ALMS1: variants seen among roughly 807,000 people sequenced by gnomAD.
ALMS1 encodes centrosome-associated protein ALMS1.
ALMS1 carries 271 observed loss-of-function variants against 352.2 expected under a neutral mutation model. The observed-to-expected ratio is 0.77, with a 90% CI of 0.70 to 0.85. The LOEUF is 0.85. Among genes scored for constraint, ALMS1 ranks in the 40% least tolerant of loss-of-function variants. The pLI is 0.00. For synonymous variants in ALMS1, 1,865 were observed against 1,761.2 expected (o/e 1.06, Z -1.48); for missense variants, 5,445 against 4,870.7 (o/e 1.12, Z -3.51).
chr2:73,451,190 G>C lies in ALMS1; in HGVS notation c.4663G>C (p.Gly1555Arg), dbSNP rs200273754. Residue 1555 changes from glycine (G) to arginine (R), a missense_variant, in exon 8 of 23, where the codon GGA (glycine) becomes CGA (arginine). Physicochemically the swap from Gly to Arg is moderately radical, Grantham distance 125. Coordinates refer to ENST00000613296, the MANE Select transcript of ALMS1 (RefSeq NM_001378454.1). ...GGCTCTCAGAGTTTCTTCTGCTCCT[G>C]GACCAGCTGACCAGACAACTGGCAT... ...EEALRVSSAP[G>R]PADQTTGIPT... The C allele has an allele frequency of 6.2e-7, 1 of 1,613,932 alleles. No individual in the cohort carries two copies. The highest frequency in any genetic ancestry group is 1.1e-5 in the South Asian group (1 of 91,074).
chr2:73,599,331 T>A (rs1399701670), intron 16 of ALMS1, 70 bp from the exon 17 acceptor site: 2 of 1,589,642 alleles, frequency 1.3e-6, no homozygotes, highest in Non-Finnish European at 1.7e-6. Flanking sequence ...ACTTGTTGGC[T>A]TGCTTATCCT....
intron 7 of ALMS1, among the ~76,000 whole-genome samples, chr2:73,444,772 A>G (rs775077507): frequency 2.6e-5 from 4 of 152,328 alleles, no homozygotes; most frequent in Non-Finnish European, 4.4e-5. Flanking sequence ...AAGGGTATCA[A>G]AAATCCTGTT....
intron 1 of ALMS1, among the ~76,000 whole-genome samples, chr2:73,397,835 T>A (rs558096799): frequency 1.3e-5 from 2 of 152,264 alleles, no homozygotes; most frequent in African/African-American, 4.8e-5. Flanking sequence ...AGTTCCCATC[T>A]GTGCCCTGCC....
intron 9 of ALMS1, among the ~76,000 whole-genome samples, chr2:73,472,462 A>G (rs1021746276): frequency 2.6e-5 from 4 of 152,092 alleles, no homozygotes; most frequent in African/African-American, 9.7e-5. Flanking sequence ...AAAGTCAAAT[A>G]CTTTTGTTAT....
chr2:73,581,180 A>G (rs62149779), intron 16 of ALMS1, among the ~76,000 whole-genome samples: 7,257 of 152,200 alleles, frequency 0.048, 248 homozygotes, highest in Admixed American at 0.1. Context: ...TAGTATGTCT[A>G]TTGTTTCCCT....
rs867170002 is a variant in ALMS1 at position 73,450,986 on chromosome 2, A to G, written c.4459A>G (p.Lys1487Glu). The change falls in exon 8 of 23, where the codon AAA becomes GAA. Residue 1487 changes from lysine (K) to glutamate (E), a missense_variant. Transcript: ENST00000613296. ...TGGAGAGAAGCCCATTGTTATCTAC[A>G]AACAGGCCTTTCCAGAGGGTCATCT... ...SFGEKPIVIY[K>E]QAFPEGHLPE... 6.2e-7 allele frequency: 1 copy of G among 1,613,096 alleles called. No individual in the cohort carries two copies. Among genetic ancestry groups the G allele is most frequent in the Admixed American group, 1.7e-5 (1 of 59,950 alleles).
chr2:73,452,116 G>A lies in ALMS1; in HGVS notation c.5589G>A (p.Gln1863=). Residue 1863 remains glutamine (Q), a synonymous_variant, in exon 8 of 23, where the codon CAG becomes CAA. Coordinates refer to ENST00000613296, the MANE Select transcript of ALMS1 (RefSeq NM_001378454.1). The stretch of plus-strand genomic sequence containing the variant: ...AGCACTCTGTCATTTCTTATGAGCA[G>A]GAGTTGCCAGATCTTACTGAAGTAA... The part of the protein sequence containing the change: ...QREHSVISYE[Q]ELPDLTEVTL... 6.2e-7 allele frequency: 1 copy of A among 1,608,944 alleles called. No homozygotes were observed. The highest frequency in any genetic ancestry group is 1.1e-5 in the South Asian group (1 of 90,848).
chr2:73,386,497 C>T (rs1670537660), intron 1 of ALMS1, among the ~76,000 whole-genome samples: 1 of 152,118 alleles, frequency 6.6e-6, no homozygotes, highest in African/African-American at 2.4e-5. Context: ...GTGTGTCGAG[C>T]CTTGAAGGAG....
At position 73,453,215 on chromosome 2, in the gene ALMS1, A is replaced by G; in HGVS notation, c.6688A>G (p.Arg2230Gly). Residue 2230 changes from arginine to glycine, a missense_variant, in exon 8 of 23, where the codon AGA becomes GGA. Transcript: ENST00000613296. ...GCTTTTAAATTCTCAGGCTGATGACAGAGTTGTAATAAATAAACCAGAATC... is the reference window on the plus strand; with the variant it reads ...GCTTTTAAATTCTCAGGCTGATGACGGAGTTGTAATAAATAAACCAGAATC... ...NVLLNSQADD[R>G]VVINKPESAG... The G allele has an allele frequency of 3.1e-6, 5 of 1,614,068 alleles. No individual in the cohort carries two copies. The highest frequency in any genetic ancestry group is 4.2e-6 in the Non-Finnish European group (5 of 1,179,988).
intron 11 of ALMS1, among the ~76,000 whole-genome samples, chr2:73,529,938 C>A (rs1481002321): frequency 6.6e-6 from 1 of 152,098 alleles, no homozygotes; most frequent in Non-Finnish European, 1.5e-5. Context: ...CTCACTATCA[C>A]AACAACAGCA....
intron 1 of ALMS1, among the ~76,000 whole-genome samples, chr2:73,400,478 CTCTGAT>C (rs1670852573): frequency 6.6e-6 from 1 of 152,118 alleles, no homozygotes; most frequent in Non-Finnish European, 1.5e-5. Flanking sequence ...GAAGTATTCT[CTCTGAT>C]TCTGTCTTCT....
intron 16 of ALMS1, among the ~76,000 whole-genome samples, chr2:73,589,593 A>G (rs1447795983): frequency 1.3e-5 from 2 of 152,182 alleles, no homozygotes; most frequent in Non-Finnish European, 2.9e-5. Flanking sequence ...AACTTTCATC[A>G]TATATAAAAG....
chr2:73,403,189 C>T (rs1452206114), intron 1 of ALMS1, among the ~76,000 whole-genome samples: 1 of 152,106 alleles, frequency 6.6e-6, no homozygotes, highest in East Asian at 1.9e-4. Flanking sequence ...CTTTAATCAA[C>T]TTTGAGTTGA....
At chr2:73,421,523 A>G (rs1273520877) in intron 3 of ALMS1, among the ~76,000 whole-genome samples, 1 of 152,260 alleles carries the variant, frequency 6.6e-6, no homozygotes, top group African/African-American at 2.4e-5. Flanking sequence ...CTTGGTGGCA[A>G]AGGTTATTGT....
intron 10 of ALMS1, among the ~76,000 whole-genome samples, chr2:73,518,947 T>C (rs556731152): frequency 4.5e-4 from 68 of 152,170 alleles, no homozygotes; most frequent in Non-Finnish European, 8.4e-4. Flanking sequence ...ACTTGTCAGT[T>C]TTTGCTTTCG....
At chr2:73,404,105 G>T (rs1670926426) in intron 1 of ALMS1, among the ~76,000 whole-genome samples, 1 of 152,128 alleles carries the variant, frequency 6.6e-6, no homozygotes. Flanking sequence ...ACCATTGCTG[G>T]TCAGGGTGGT....
At chr2:73,427,350 A>G (rs561010212) in intron 6 of ALMS1, among the ~76,000 whole-genome samples, 2 of 152,328 alleles carry the variant, frequency 1.3e-5, no homozygotes, top group South Asian at 4.1e-4. Flanking sequence ...TGTCTCTTCA[A>G]AGGGAAGTAT....
rs976225595 is a variant in ALMS1, at chr2:73,483,632, G to A, written c.7675-6002G>A. Among the ~76,000 whole-genome samples the A allele has an allele frequency of 1.2e-4, 18 of 151,492 alleles. No individual in the cohort carries two copies. In the South Asian group the frequency reaches 1.9e-3, roughly 16 times the overall value. On this transcript the variant is annotated intron_variant, in intron 9 of 22. Coordinates refer to ENST00000613296, the MANE Select transcript of ALMS1 (RefSeq NM_001378454.1). ...AGTTCAGTTCCTGGGTATCCTTGTTGACTTTCTGTCTCGTTGATCTGTCTA... is the reference window on the plus strand; with the variant it reads ...AGTTCAGTTCCTGGGTATCCTTGTTAACTTTCTGTCTCGTTGATCTGTCTA...
At chr2:73,432,430 CTT>C (rs781308048) in intron 7 of ALMS1, 139 bp downstream of exon 7, 25 of 643,730 alleles carry the variant, frequency 3.9e-5, no homozygotes, top group Non-Finnish European at 6.6e-5. Flanking sequence ...TAAATCCTGT[CTT>C]AGTCTCTTTA....
Sources: gnomAD v4.1 joint callset for allele counts (sites outside exome capture counted in the v4.1 genomes callset) on GRCh38, gnomAD v4.1.1 for gene constraint, MANE v1.5 for transcripts, NCBI Gene and HGNC (gene_info 2026-07-23, HGNC 2026-07-21) for gene names.